MBD3: variants seen among roughly 807,000 people sequenced by gnomAD.
MBD3 encodes methyl-CpG-binding domain protein 3.
Under a neutral mutation model 31.2 loss-of-function variants are expected in MBD3, and 13 were observed. The ratio of observed to expected loss-of-function variants is 0.42; its 90% CI spans 0.27 to 0.66. The LOEUF (loss-of-function observed/expected upper bound fraction) is 0.66, where lower values mean the gene tolerates loss of function less well. Ranked by LOEUF, MBD3 falls within the 30% of genes least tolerant of loss-of-function variation. The pLI is 0.26. For missense variants in MBD3, 440 were observed against 426.5 expected (o/e 1.03, Z -0.28); for synonymous variants, 223 against 187.4 (o/e 1.19, Z -1.55).
Position 1,578,141 on chromosome 19 carries a change from G to T in MBD3, c.*23C>A. On this transcript the variant is annotated 3_prime_UTR_variant, in exon 7 of 7. Coordinates refer to ENST00000434436, the MANE Select transcript of MBD3 (RefSeq NM_001281453.2). The surrounding 1 kb of genome is among the most constrained non-coding windows in gnomAD (Gnocchi z 6.1). ...TGCAGGCGGCTCCAGCAGGCAGCAC[G>T]GGCTCTCGGCAGGGCCTCTGGAAAG... 1.2e-6 allele frequency: 1 copy of T among 836,928 alleles called. No individual in the cohort carries two copies. The highest frequency in any genetic ancestry group is 1.7e-5 in the South Asian group (1 of 57,352). 51.8% of individuals were successfully genotyped at this position (836,928 alleles called of 1,614,324 possible).
At chr19:1,592,066 T>G (rs962366081) in intron 1 of MBD3, 1 of 152,228 alleles carries the variant, frequency 6.6e-6, no homozygotes, top group Non-Finnish European at 1.5e-5. Context: ...CAAGAACCCG[T>G]ATTTTCACGC....
In MBD3 at chr19:1,591,699, A is replaced by G. The variant is rs1403430338; in HGVS notation, c.110+823T>C. On this transcript the variant is annotated intron_variant, in intron 1 of 6. Transcript: ENST00000434436. ...TCAAAAGCATCTTTCCCGAGCCAGG[A>G]AAAAAAAAAAAAAGAGGACAAACAG... is the stretch of plus-strand genomic sequence containing the variant. Among the ~76,000 whole-genome samples the G allele has an allele frequency of 2.1e-5, 3 of 140,074 alleles. No individual in the cohort carries two copies. The East Asian group carries it at 6.1e-4, about 28-fold the overall frequency. The allele number at this position is 140,074 out of a possible 152,430, so 91.9% of individuals were successfully genotyped here. A position where few individuals can be genotyped will look rare whatever the true frequency, so the allele number is the denominator to read the frequency against.
At position 1,576,860 on chromosome 19, in the gene MBD3, C is replaced by T. The variant is rs1385285523; in HGVS notation, c.*1304G>A. On this transcript the variant is annotated 3_prime_UTR_variant, in exon 7 of 7. Transcript: ENST00000434436. ...CGGCTGCCCTGGCCCTTGAGCCCGT[C>T]CTGAGGATTTGTGCTTTGACTCTGA... 6.6e-6 allele frequency: 1 copy of T among 152,382 alleles called. No individual in the cohort carries two copies. Among genetic ancestry groups the T allele is most frequent in the East Asian group, 1.9e-4 (1 of 5,196 alleles). 9.4% of individuals were successfully genotyped at this position (152,382 alleles called of 1,614,324 possible). A position where few individuals can be genotyped will look rare whatever the true frequency, so the allele number is the denominator to read the frequency against.
Position 1,585,002 on chromosome 19 carries a change from T to C in MBD3, c.270+53A>G, listed in dbSNP as rs1599345007. On this transcript the variant is annotated intron_variant, in intron 2 of 6. Transcript: ENST00000434436. The surrounding 1 kb of genome is among the most constrained non-coding windows in gnomAD (Gnocchi z 4.1). ...GCCTGCAGCTCACGTCATGGCCGCG[T>C]CCCCGCCTAGAACGCCCCGCGCCGA... The C allele has an allele frequency of 6.2e-7, 1 of 1,600,452 alleles. No homozygotes were observed. Among genetic ancestry groups the C allele is most frequent in the Middle Eastern group, 1.8e-4 (1 of 5,444 alleles).
intron 1 of MBD3, among the ~76,000 whole-genome samples, chr19:1,586,697 C>T (rs1013840918): frequency 1.4e-5 from 2 of 141,054 alleles, no homozygotes; most frequent in African/African-American, 5.4e-5. Context: ...GATGGAGTCT[C>T]ACTCTGTCGC....
rs1249688278 is a variant in MBD3 at position 1,574,716 on chromosome 19, G to A, written c.*3448C>T. ...AGAAAGCTGAGTCTTGCTCCGGTATGGCCCTGTCCGAAAGAACGTTCCGGA... is the reference window on the plus strand; with the variant it reads ...AGAAAGCTGAGTCTTGCTCCGGTATAGCCCTGTCCGAAAGAACGTTCCGGA... On this transcript the variant is annotated 3_prime_UTR_variant, in exon 7 of 7. Coordinates refer to ENST00000434436, the MANE Select transcript of MBD3 (RefSeq NM_001281453.2). The A allele has an allele frequency of 6.4e-6, 1 of 156,658 alleles. No individual in the cohort carries two copies. 9.7% of individuals were successfully genotyped at this position (156,658 alleles called of 1,614,324 possible).
chr19:1,580,829 T>C (rs77082935), intron 5 of MBD3, among the ~76,000 whole-genome samples: 1,538 of 152,286 alleles, frequency 0.01, 28 homozygotes, highest in African/African-American at 0.035. Context: ...GCACCCAGCA[T>C]AGCCAGTCCT....
intron 3 of MBD3, 115 bp downstream of exon 3, chr19:1,584,425 C>G (rs961538235): frequency 1.0e-5 from 15 of 1,482,698 alleles, no homozygotes; most frequent in Non-Finnish European, 1.3e-5. Flanking sequence ...CCCAGGCTAG[C>G]CTGGAACTCC....
intron 1 of MBD3, among the ~76,000 whole-genome samples, chr19:1,590,060 C>G (rs1309233160): frequency 6.6e-6 from 1 of 152,206 alleles, no homozygotes; most frequent in African/African-American, 2.4e-5. Context: ...GTAATCCCAG[C>G]ACTTTGGGAG....
At chr19:1,584,942 T>G in intron 2 of MBD3, 113 bp downstream of exon 2, 2 of 1,438,262 alleles carry the variant, frequency 1.4e-6, no homozygotes, top group Non-Finnish European at 1.9e-6. Context: ...CTCCGCCCGC[T>G]GTGACCTCCT....
Position 1,578,172 on chromosome 19 carries a change from G to C in MBD3, c.*6-14C>G. ...TCGGCAGGGCCTCTGGAAAGGACAG[G>C]GAGGGCTGGCTTTAGCGACTCCACG... On this transcript the variant is annotated splice_polypyrimidine_tract_variant and intron_variant, in intron 6 of 6. Transcript: ENST00000434436. The surrounding 1 kb of genome is among the most constrained non-coding windows in gnomAD (Gnocchi z 6.1). The C allele has an allele frequency of 5.4e-6, 6 of 1,105,028 alleles. No homozygotes were observed. Among genetic ancestry groups the C allele is most frequent in the Non-Finnish European group, 7.8e-6 (6 of 771,320 alleles). 68.5% of individuals were successfully genotyped at this position (1,105,028 alleles called of 1,614,324 possible).
In MBD3 at chr19:1,578,110, C is replaced by T. The variant is rs768400470; in HGVS notation, c.*54G>A. The T allele has an allele frequency of 9.3e-5, 61 of 653,418 alleles. No individual in the cohort carries two copies. The Admixed American group carries it at 1.1e-3, about 12-fold the overall frequency. 40.5% of individuals were successfully genotyped at this position (653,418 alleles called of 1,614,324 possible). A position where few individuals can be genotyped will look rare whatever the true frequency, so the allele number is the denominator to read the frequency against. The stretch of plus-strand genomic sequence containing the variant: ...GCCTGGTTCACGTGGGGCCGAGGAC[C>T]GCGTCTGCAGGCGGCTCCAGCAGGC... On this transcript the variant is annotated 3_prime_UTR_variant, in exon 7 of 7. Coordinates refer to ENST00000434436, the MANE Select transcript of MBD3 (RefSeq NM_001281453.2). The surrounding 1 kb of genome is among the most constrained non-coding windows in gnomAD (Gnocchi z 6.1).
At position 1,578,576 on chromosome 19, in the gene MBD3, C is replaced by A; in HGVS notation, c.678-38G>T. ...GGACCTTGCGTTACACCAAGGTGAG[C>A]GGCCAGCAGGACATGGACACAGGAT... On this transcript the variant is annotated intron_variant, in intron 5 of 6. Transcript: ENST00000434436. The surrounding 1 kb of genome is among the most constrained non-coding windows in gnomAD (Gnocchi z 6.1). 2 of 1,608,784 alleles carry A rather than the reference C, an allele frequency of 1.2e-6. No homozygotes were observed. Among genetic ancestry groups the A allele is most frequent in the Non-Finnish European group, 1.7e-6 (2 of 1,179,858 alleles).
At chr19:1,582,921 A>T (rs1355676466) in intron 3 of MBD3, among the ~76,000 whole-genome samples, 2 of 152,236 alleles carry the variant, frequency 1.3e-5, no homozygotes, top group East Asian at 3.9e-4. Context: ...AAGAATAAAA[A>T]ATACACATGG....
rs544861548 is a variant in MBD3 at position 1,588,816 on chromosome 19, AAG to A, written c.111-3604_111-3603del. On this transcript the variant is annotated intron_variant, in intron 1 of 6. Coordinates refer to ENST00000434436, the MANE Select transcript of MBD3 (RefSeq NM_001281453.2). Reference sequence around the variant, plus strand: ...AAAAAAAAAAAGGTGTAAGGCGAACAAGAGACACACACAGACCACAGCCTGGT... The same window carrying A: ...AAAAAAAAAAAGGTGTAAGGCGAACAAGACACACACAGACCACAGCCTGGT... Among the ~76,000 whole-genome samples, 638 of 151,216 alleles carry A rather than the reference AAG, an allele frequency of 4.2e-3. 5 individuals carry two copies. Among genetic ancestry groups the A allele is most frequent in the African/African-American group, 0.014 (573 of 41,112 alleles).
rs370587963 is a variant in MBD3 at position 1,582,629 on chromosome 19, G to A, written c.492C>T (p.Gly164=). The A allele has an allele frequency of 1.2e-6, 2 of 1,613,768 alleles. No homozygotes were observed. Among genetic ancestry groups the A allele is most frequent in the Non-Finnish European group, 1.7e-6 (2 of 1,179,960 alleles). ...ELVKTMDLPK[G]LQGVGPGCTD... ...CTCAGGGTGCCCGCTCACCCTGCAG[G>A]CCCTTGGGGAGGTCCATGGTCTTGA... The change falls in exon 4 of 7, where the codon GGC becomes GGT. Residue 164 remains glycine, a synonymous_variant. Transcript: ENST00000434436.
chr19:1,582,484 G>T, intron 4 of MBD3, 138 bp downstream of exon 4: 1 of 786,248 alleles, frequency 1.3e-6, no homozygotes, highest in Non-Finnish European at 2.1e-6. Context: ...CCCTCCTCCT[G>T]CCCCAGTCGC....
At position 1,577,314 on chromosome 19, in the gene MBD3, C is replaced by A. The variant is rs1239795661; in HGVS notation, c.*850G>T. The A allele has an allele frequency of 6.6e-6, 1 of 152,268 alleles. No individual in the cohort carries two copies. Among genetic ancestry groups the A allele is most frequent in the African/African-American group, 2.4e-5 (1 of 41,462 alleles). 9.4% of individuals were successfully genotyped at this position (152,268 alleles called of 1,614,324 possible). ...GCCAGAAGCTCCCTGGAGAGCTGGGCACCTCGAGGAGCGTCTGGGAGCCTC... is the reference window on the plus strand; with the variant it reads ...GCCAGAAGCTCCCTGGAGAGCTGGGAACCTCGAGGAGCGTCTGGGAGCCTC... On this transcript the variant is annotated 3_prime_UTR_variant, in exon 7 of 7. Coordinates refer to ENST00000434436, the MANE Select transcript of MBD3 (RefSeq NM_001281453.2).
intron 2 of MBD3, 132 bp from the exon 3 acceptor site, chr19:1,584,809 C>T (rs1011479454): frequency 6.6e-6 from 7 of 1,056,560 alleles, no homozygotes; most frequent in African/African-American, 5.2e-5. Flanking sequence ...AGGACCCCCA[C>T]GGTCCGGGGA....
Sources: allele counts gnomAD v4.1 joint callset (sites outside exome capture counted in the v4.1 genomes callset), GRCh38; gene constraint gnomAD v4.1.1; non-coding constraint Gnocchi (gnomAD v3.1); transcripts MANE v1.5; gene names NCBI Gene and HGNC (gene_info 2026-07-23, HGNC 2026-07-21).